The following TENM3 variants were observed in gnomAD, a reference collection of about 807,000 sequenced individuals.
The protein encoded by TENM3 is teneurin-3.
TENM3 carries 63 observed loss-of-function variants against 255.1 expected under a neutral mutation model. That is an observed-to-expected ratio of 0.25 (90% CI 0.20 to 0.30). The LOEUF (loss-of-function observed/expected upper bound fraction) is 0.30, where lower values mean the gene tolerates loss of function less well. Among genes scored for constraint, TENM3 ranks in the 10% least tolerant of loss-of-function variants. The pLI, the probability that TENM3 is intolerant of heterozygous loss-of-function variation, is 1.00. For missense variants in TENM3, 2,929 were observed against 3,461.1 expected (o/e 0.85, Z 3.86); for synonymous variants, 1,306 against 1,322.3 (o/e 0.99, Z 0.27).
At chr4:181,966,266 T>C in the TENM3 span, among the ~76,000 whole-genome samples, 2 of 152,186 alleles carry the variant, frequency 1.3e-5, no homozygotes, top group African/African-American at 2.4e-5. Flanking sequence ...AAATGGGCTC[T>C]GTGTCATTCA....
At position 182,797,233 on chromosome 4, in the gene TENM3, A is replaced by G. The variant is rs1410949816; in HGVS notation, c.7344+466A>G. Among the ~76,000 whole-genome samples the G allele has an allele frequency of 4.6e-5, 7 of 152,254 alleles. No homozygotes were observed. In the East Asian group the frequency reaches 1.4e-3, roughly 29 times the overall value. On this transcript the variant is annotated intron_variant, in intron 27 of 27. Transcript: ENST00000511685. ...GGAGGTCGGATCACCTGAGGTCGGG[A>G]GTTCGAGACCAGCCTGACCAACATG...
intron 2 of TENM3, among the ~76,000 whole-genome samples, chr4:182,333,595 A>T (rs1329444996): frequency 6.6e-6 from 1 of 152,202 alleles, no homozygotes; most frequent in Non-Finnish European, 1.5e-5. Context: ...AATATTTGAC[A>T]TGATCACTCT....
chr4:181,868,542 C>T, the TENM3 span, among the ~76,000 whole-genome samples: 1 of 152,154 alleles, frequency 6.6e-6, no homozygotes, highest in Non-Finnish European at 1.5e-5. Context: ...CTGCTTAAGC[C>T]TCTACTTGTG....
the TENM3 span, among the ~76,000 whole-genome samples, chr4:181,629,783 T>C: frequency 1.3e-5 from 2 of 152,212 alleles, no homozygotes; most frequent in South Asian, 4.1e-4. Flanking sequence ...TCAGGGATAT[T>C]GGTCTAAAAT....
Position 182,328,667 on chromosome 4 carries a change from C to G in TENM3, c.232+4415C>G, listed in dbSNP as rs57893539. On this transcript the variant is annotated intron_variant, in intron 2 of 27. Transcript: ENST00000511685. ...TGATTGATTTCTAAGTGTGCCTCAT[C>G]TCTGGTCTTTGCTGACAGCGTGGCT... 6.5e-3 allele frequency among the ~76,000 whole-genome samples: 991 copies of G among 152,270 alleles called. 11 individuals carry two copies. The highest frequency in any genetic ancestry group is 0.023 in the African/African-American group (945 of 41,568).
At chr4:182,617,964 C>A (rs528493897) in intron 4 of TENM3, among the ~76,000 whole-genome samples, 3 of 152,290 alleles carry the variant, frequency 2.0e-5, no homozygotes, top group African/African-American at 7.2e-5. Flanking sequence ...ATAAAAGTTT[C>A]AACAGTGCCT....
At chr4:182,222,659 C>A (rs1485818720) in intron 1 of TENM3, among the ~76,000 whole-genome samples, 1 of 152,182 alleles carries the variant, frequency 6.6e-6, no homozygotes, top group African/African-American at 2.4e-5. Context: ...GCTGGCTTTC[C>A]ATTTCAGGGC....
At chr4:181,493,428 G>A in the TENM3 span, among the ~76,000 whole-genome samples, 4 of 152,032 alleles carry the variant, frequency 2.6e-5, no homozygotes, top group Non-Finnish European at 2.9e-5. Flanking sequence ...GGAGAGGAGT[G>A]GTTTAAGGTT....
intron 1 of TENM3, among the ~76,000 whole-genome samples, chr4:182,169,594 A>G (rs576858508): frequency 1.3e-5 from 2 of 152,288 alleles, no homozygotes; most frequent in South Asian, 4.1e-4. Context: ...AATTTCCAGT[A>G]ATAATGAGAA....
At position 182,701,210 on chromosome 4, in the gene TENM3, C is replaced by CTTTTTTTTTTTTTTTTTTTTTTTTTTTTT. The variant is rs35538818; in HGVS notation, c.2222-12849_2222-12848insTTTTTTTTTTTTTTTTTTTTTTTTTTTTT. Among the ~76,000 whole-genome samples the CTTTTTTTTTTTTTTTTTTTTTTTTTTTTT allele has an allele frequency of 1.3e-4, 5 of 38,668 alleles. 1 individual carries two copies. The highest frequency in any genetic ancestry group is 2.2e-4 in the Non-Finnish European group (5 of 23,206). The allele number at this position is 38,668 out of a possible 152,430, so 25.4% of individuals were successfully genotyped here. The stretch of plus-strand genomic sequence containing the variant: ...TTTTCACATACAGTCCAACTCTTGA[C>CTTTTTTTTTTTTTTTTTTTTTTTTTTTTT]TTTTTTTTTTTTTTTTTTTTTTTTT... On this transcript the variant is annotated intron_variant, in intron 12 of 27. Coordinates refer to ENST00000511685, the MANE Select transcript of TENM3 (RefSeq NM_001080477.4).
At chr4:182,263,378 GGGTT>G (rs1758995942) in intron 1 of TENM3, among the ~76,000 whole-genome samples, 1 of 151,980 alleles carries the variant, frequency 6.6e-6, no homozygotes, top group Non-Finnish European at 1.5e-5. Flanking sequence ...GCTTGACCTT[GGGTT>G]AGAGGCCCAA....
chr4:182,100,422 C>A, the TENM3 span, among the ~76,000 whole-genome samples: 3 of 116,292 alleles, frequency 2.6e-5, no homozygotes, highest in South Asian at 3.0e-4. Context: ...GGTAACATGG[C>A]AAAACTCCGT....
At chr4:181,994,107 G>A in the TENM3 span, among the ~76,000 whole-genome samples, 1 of 152,080 alleles carries the variant, frequency 6.6e-6, no homozygotes, top group Non-Finnish European at 1.5e-5. Flanking sequence ...GAAAAACCAC[G>A]TAATTTCACA....
At chr4:182,581,048 T>C (rs560772287) in intron 3 of TENM3, among the ~76,000 whole-genome samples, 45 of 152,310 alleles carry the variant, frequency 3.0e-4, no homozygotes, top group Middle Eastern at 3.4e-3. Context: ...AAGCAGATTA[T>C]TGAACATGTT....
the TENM3 span, among the ~76,000 whole-genome samples, chr4:181,833,763 C>T: frequency 5.5e-4 from 84 of 152,058 alleles, no homozygotes; most frequent in Non-Finnish European, 9.3e-4. Context: ...TTCTTAACAA[C>T]TTGCACTGAC....
intron 1 of TENM3, among the ~76,000 whole-genome samples, chr4:182,149,885 A>G (rs1358031392): frequency 1.3e-5 from 2 of 152,058 alleles, no homozygotes; most frequent in Non-Finnish European, 2.9e-5. Context: ...TTTGTACTAG[A>G]GCATGCAAAA....
At chr4:181,802,819 A>C in the TENM3 span, among the ~76,000 whole-genome samples, 1 of 152,132 alleles carries the variant, frequency 6.6e-6, no homozygotes, top group African/African-American at 2.4e-5. Flanking sequence ...TGATTTATAA[A>C]CCTTAAATTC....
At chr4:182,762,962 C>A (rs1175227369) in intron 22 of TENM3, among the ~76,000 whole-genome samples, 3 of 150,400 alleles carry the variant, frequency 2.0e-5, no homozygotes, top group Non-Finnish European at 4.4e-5. Flanking sequence ...AAGTTCATCC[C>A]AAAGTTTGGT....
chr4:182,033,853 G>A, the TENM3 span, among the ~76,000 whole-genome samples: 3 of 152,134 alleles, frequency 2.0e-5, no homozygotes, highest in Non-Finnish European at 4.4e-5. Flanking sequence ...GACTAGGATT[G>A]CAGCACTTGC....
Sources: allele counts gnomAD v4.1 joint callset (sites outside exome capture counted in the v4.1 genomes callset), GRCh38; gene constraint gnomAD v4.1.1; transcripts MANE v1.5; gene names NCBI Gene and HGNC (gene_info 2026-07-23, HGNC 2026-07-21).